The following AGAP1 variants were observed in gnomAD, a reference collection of about 807,000 sequenced individuals.
AGAP1 encodes the protein arf-GAP with GTPase, ANK repeat and PH domain-containing protein 1.
Under a neutral mutation model 105.3 loss-of-function variants are expected in AGAP1, and 29 were observed. The ratio of observed to expected loss-of-function variants is 0.28; its 90% confidence interval spans 0.21 to 0.38. The LOEUF is 0.38. AGAP1 is among the 10% of genes least tolerant of loss of function. The pLI, the probability that AGAP1 is intolerant of heterozygous loss-of-function variation, is 1.00. For synonymous variants in AGAP1, 509 were observed against 485.9 expected (o/e 1.05, Z -0.63); for missense variants, 998 against 1,165.1 (o/e 0.86, Z 2.09).
rs2054303245 is a variant in AGAP1 at position 235,964,309 on chromosome 2, C to A, written c.1484-4153C>A. ...AATATTACTTAATAGCGGCCCCTGGCAGCCGAGGAGAGTTGCGTTTGCCTG... is the reference window on the plus strand; with the variant it reads ...AATATTACTTAATAGCGGCCCCTGGAAGCCGAGGAGAGTTGCGTTTGCCTG... On this transcript the variant is annotated intron_variant, in intron 12 of 17. Transcript: ENST00000304032. The surrounding 1 kb of genome is among the most constrained non-coding windows in gnomAD (Gnocchi z 4.6). Among the ~76,000 whole-genome samples the A allele has an allele frequency of 6.6e-6, 1 of 152,090 alleles. No individual in the cohort carries two copies.
At position 236,050,979 on chromosome 2, in the gene AGAP1, T is replaced by C. The variant is rs981648158; in HGVS notation, c.2114+1698T>C. 1.3e-4 allele frequency among the ~76,000 whole-genome samples: 20 copies of C among 152,254 alleles called. No individual in the cohort carries two copies. Among genetic ancestry groups the C allele is most frequent in the Non-Finnish European group, 1.9e-4 (13 of 68,042 alleles). On this transcript the variant is annotated intron_variant, in intron 16 of 17. Coordinates refer to ENST00000304032, the MANE Select transcript of AGAP1 (RefSeq NM_001037131.3). The surrounding 1 kb of genome is among the most constrained non-coding windows in gnomAD (Gnocchi z 4.0). ...TTAAGTTCTTGAGTGCAGAGCCCTG[T>C]CTTTTTTCCAGTGTTACATACATCA...
At position 235,931,564 on chromosome 2, in the gene AGAP1, A is replaced by G. The variant is rs1260527754; in HGVS notation, c.1483+641A>G. The stretch of plus-strand genomic sequence containing the variant: ...GCACCGAGGGCACCCTGGTGGCTGC[A>G]GCAGGGTTTGCCTGTGGCGTTTTGT... On this transcript the variant is annotated intron_variant, in intron 12 of 17. Coordinates refer to ENST00000304032, the MANE Select transcript of AGAP1 (RefSeq NM_001037131.3). The surrounding 1 kb of genome is among the most constrained non-coding windows in gnomAD (Gnocchi z 5.6). Among the ~76,000 whole-genome samples the G allele has an allele frequency of 1.3e-5, 2 of 152,072 alleles. No homozygotes were observed. Among genetic ancestry groups the G allele is most frequent in the Non-Finnish European group, 1.5e-5 (1 of 68,012 alleles).
At chr2:235,581,669 A>C (rs1366616528) in intron 1 of AGAP1, among the ~76,000 whole-genome samples, 1 of 151,102 alleles carries the variant, frequency 6.6e-6, no homozygotes, top group Non-Finnish European at 1.5e-5. Context: ...AGCCGGGTGT[A>C]GTGGTGCATG....
At chr2:235,670,120 T>G in intron 1 of AGAP1, 1 of 558,390 alleles carries the variant, frequency 1.8e-6, no homozygotes, top group African/African-American at 2.0e-5. Context: ...TGGACGGCAG[T>G]GGCGAGCCCG....
chr2:235,626,193 C>CA (rs777311185), intron 1 of AGAP1, among the ~76,000 whole-genome samples: 2,346 of 129,356 alleles, frequency 0.018, 48 homozygotes, highest in African/African-American at 0.052. Flanking sequence ...ACTAAAAATA[C>CA]AAAAAAAAAA....
rs1223120051 is a variant in AGAP1, at chr2:235,963,470, C to G, written c.1484-4992C>G. On this transcript the variant is annotated intron_variant, in intron 12 of 17. Transcript: ENST00000304032. The surrounding 1 kb of genome is among the most constrained non-coding windows in gnomAD (Gnocchi z 5.1). Reference sequence around the variant, plus strand: ...TTTATTAAAGAGAATGAATAGACATCAAATAGATGGCCCTTTATCGTTTTC... The same window carrying G: ...TTTATTAAAGAGAATGAATAGACATGAAATAGATGGCCCTTTATCGTTTTC... Among the ~76,000 whole-genome samples, 1 of 152,178 alleles carries G rather than the reference C, an allele frequency of 6.6e-6. No homozygotes were observed. The highest frequency in any genetic ancestry group is 2.4e-5 in the African/African-American group (1 of 41,426).
At chr2:235,534,168 C>T (rs988546529) in intron 1 of AGAP1, among the ~76,000 whole-genome samples, 9 of 152,222 alleles carry the variant, frequency 5.9e-5, no homozygotes, top group Non-Finnish European at 1.2e-4. Flanking sequence ...ATTGTGCCCT[C>T]CTGCCGACCC....
At position 235,691,828 on chromosome 2, in the gene AGAP1, A is replaced by C. The variant is rs1949747101; in HGVS notation, c.164-17351A>C. 6.6e-6 allele frequency among the ~76,000 whole-genome samples: 1 copy of C among 152,208 alleles called. No homozygotes were observed. The highest frequency in any genetic ancestry group is 2.1e-4 in the South Asian group (1 of 4,830). On this transcript the variant is annotated intron_variant, in intron 1 of 17. Transcript: ENST00000304032. The surrounding 1 kb of genome is among the most constrained non-coding windows in gnomAD (Gnocchi z 4.4). ...TTCACCCACTAGGAGAAAGTACTGGATAGGGATGAGCTTGGGGACAATGGC... is the reference window on the plus strand; with the variant it reads ...TTCACCCACTAGGAGAAAGTACTGGCTAGGGATGAGCTTGGGGACAATGGC...
At chr2:235,643,843 C>G (rs114047002) in intron 1 of AGAP1, among the ~76,000 whole-genome samples, 1 of 152,098 alleles carries the variant, frequency 6.6e-6, no homozygotes, top group African/African-American at 2.4e-5. Flanking sequence ...TCCCATTATG[C>G]TATCTCTTAA....
intron 1 of AGAP1, among the ~76,000 whole-genome samples, chr2:235,525,866 G>A (rs75572631): frequency 1.0e-5 from 1 of 99,868 alleles, no homozygotes; most frequent in Non-Finnish European, 2.0e-5. Context: ...TGCATAATGT[G>A]GAGGACTGAT....
Position 235,631,546 on chromosome 2 carries a change from A to T in AGAP1, c.164-77633A>T, listed in dbSNP as rs1467513765. Among the ~76,000 whole-genome samples the T allele has an allele frequency of 1.3e-5, 2 of 152,190 alleles. No homozygotes were observed. The highest frequency in any genetic ancestry group is 4.8e-5 in the African/African-American group (2 of 41,450). On this transcript the variant is annotated intron_variant, in intron 1 of 17. Transcript: ENST00000304032. The surrounding 1 kb of genome is among the most constrained non-coding windows in gnomAD (Gnocchi z 5.4). ...CCAAGGCCCCTCCTTGTGAAGATGG[A>T]CACTGAGGGCACCCTTCCTAGAGGA...
At chr2:235,524,374 G>A (rs1180805369) in intron 1 of AGAP1, 1 of 176,284 alleles carries the variant, frequency 5.7e-6, no homozygotes, top group Non-Finnish European at 1.4e-5. Context: ...ACAGTGTGGT[G>A]GGAGTGAAAG....
intron 10 of AGAP1, among the ~76,000 whole-genome samples, chr2:235,895,742 G>GATGGATGA (rs373670869): frequency 5.5e-5 from 4 of 72,772 alleles, no homozygotes. Flanking sequence ...TGGATGGATG[G>GATGGATGA]ATGGATGAAT....
intron 1 of AGAP1, among the ~76,000 whole-genome samples, chr2:235,595,840 A>G (rs1212367397): frequency 2.6e-5 from 4 of 152,236 alleles, no homozygotes; most frequent in African/African-American, 9.6e-5. Flanking sequence ...AAGAAAAATT[A>G]TACGTTTACT....
intron 1 of AGAP1, among the ~76,000 whole-genome samples, chr2:235,503,621 G>A (rs142392426): frequency 1.3e-5 from 2 of 152,148 alleles, no homozygotes; most frequent in African/African-American, 4.8e-5. Flanking sequence ...TTGAGACAGG[G>A]TCTCACTCTG....
intron 1 of AGAP1, among the ~76,000 whole-genome samples, chr2:235,637,728 C>T (rs533582608): frequency 6.6e-6 from 1 of 152,030 alleles, no homozygotes; most frequent in Non-Finnish European, 1.5e-5. Context: ...AGAAGCAGAA[C>T]CATATGGAAG....
intron 1 of AGAP1, among the ~76,000 whole-genome samples, chr2:235,514,728 C>CT (rs1942308801): frequency 6.6e-6 from 1 of 152,256 alleles, no homozygotes; most frequent in Non-Finnish European, 1.5e-5. Flanking sequence ...CTGCACGTCT[C>CT]TCCCCAGCAT....
intron 6 of AGAP1, among the ~76,000 whole-genome samples, chr2:235,794,054 C>T (rs1274074332): frequency 6.6e-6 from 1 of 152,060 alleles, no homozygotes; most frequent in Non-Finnish European, 1.5e-5. Context: ...TTCTAGACCC[C>T]AGAAACCCCT....
At chr2:235,605,005 C>G (rs1044203068) in intron 1 of AGAP1, among the ~76,000 whole-genome samples, 3 of 151,918 alleles carry the variant, frequency 2.0e-5, no homozygotes, top group African/African-American at 7.3e-5. Flanking sequence ...CTCAGCCTCC[C>G]AAGTAGCTGG....
Sources: allele counts gnomAD v4.1 joint callset (sites outside exome capture counted in the v4.1 genomes callset), GRCh38; gene constraint gnomAD v4.1.1; non-coding constraint Gnocchi (gnomAD v3.1); transcripts MANE v1.5; gene names NCBI Gene and HGNC (gene_info 2026-07-23, HGNC 2026-07-21).